SNTB1: variants seen among roughly 807,000 people sequenced by gnomAD.
The protein encoded by SNTB1 is syntrophin beta 1.
SNTB1 carries 36 observed loss-of-function variants against 48.9 expected under a neutral mutation model. The ratio of observed to expected loss-of-function variants is 0.74; its 90% CI spans 0.56 to 0.97. The LOEUF (loss-of-function observed/expected upper bound fraction) is 0.97. Ranked by LOEUF, SNTB1 falls within the 50% of genes least tolerant of loss-of-function variation. The pLI is 0.00. For synonymous variants in SNTB1, 299 were observed against 294.6 expected, an observed-to-expected ratio of 1.01 and a Z score of -0.15; for missense variants, 786 against 703.4, an observed-to-expected ratio of 1.12 and a Z score of -1.33.
At chr8:120,804,394 C>T (rs1820290354) in intron 1 of SNTB1, among the ~76,000 whole-genome samples, 1 of 152,136 alleles carries the variant, frequency 6.6e-6, no homozygotes. Flanking sequence ...CATAATCAGC[C>T]TCAAATACCC....
intron 3 of SNTB1, among the ~76,000 whole-genome samples, chr8:120,578,535 GC>G (rs1193882278): frequency 1.3e-5 from 2 of 152,084 alleles, no homozygotes; most frequent in Non-Finnish European, 2.9e-5. Flanking sequence ...TCTCTGCCTG[GC>G]TTCCTGCCTT....
At position 120,644,474 on chromosome 8, in the gene SNTB1, C is replaced by T. The variant is rs928774040; in HGVS notation, c.789-11823G>A. On this transcript the variant is annotated intron_variant, in intron 2 of 6. Coordinates refer to ENST00000517992, the MANE Select transcript of SNTB1 (RefSeq NM_021021.4). ...GATGATTTCCAATTTCATCCATGTC[C>T]CTACAAAGGACATGAACTCATCATT... Among the ~76,000 whole-genome samples, 27 of 152,106 alleles carry T rather than the reference C, an allele frequency of 1.8e-4. 1 individual carries two copies. Among genetic ancestry groups the T allele is most frequent in the African/African-American group, 5.8e-4 (24 of 41,484 alleles).
intron 2 of SNTB1, among the ~76,000 whole-genome samples, chr8:120,646,141 T>C (rs1344007371): frequency 9.5e-5 from 13 of 137,128 alleles, no homozygotes; most frequent in African/African-American, 2.4e-4. Context: ...CTTTTCCTAA[T>C]TGAATACCCT....
At chr8:120,681,188 G>A (rs1817924497) in intron 2 of SNTB1, among the ~76,000 whole-genome samples, 1 of 152,138 alleles carries the variant, frequency 6.6e-6, no homozygotes. Flanking sequence ...AATCTTTTGT[G>A]TACTCTGTTA....
chr8:120,783,703 T>C (rs1395013122), intron 1 of SNTB1, among the ~76,000 whole-genome samples: 1 of 152,196 alleles, frequency 6.6e-6, no homozygotes, highest in Non-Finnish European at 1.5e-5. Flanking sequence ...GAACAATCAG[T>C]AAACTCTTTG....
Position 120,587,403 on chromosome 8 carries a change from AC to A in SNTB1, c.997-12179del, listed in dbSNP as rs540847462. Reference sequence around the variant, plus strand: ...TCTCCACAATAATCCTCTGGCCCCAACCCACTACCCATTCCCCACTCCTTTA... The same window carrying A: ...TCTCCACAATAATCCTCTGGCCCCAACCACTACCCATTCCCCACTCCTTTA... On this transcript the variant is annotated intron_variant, in intron 3 of 6. Coordinates refer to ENST00000517992, the MANE Select transcript of SNTB1 (RefSeq NM_021021.4). Among the ~76,000 whole-genome samples, 376 of 152,340 alleles carry A rather than the reference AC, an allele frequency of 2.5e-3. 1 individual carries two copies. The highest frequency in any genetic ancestry group is 8.8e-3 in the African/African-American group (367 of 41,582).
chr8:120,811,840 C>CCA lies in SNTB1; in HGVS notation c.2_3dup (p.Ala2TrpfsTer3), dbSNP rs1820444026. The CCA allele has an allele frequency of 7.4e-7, 1 of 1,346,480 alleles. No homozygotes were observed. 83.4% of individuals were successfully genotyped at this position (1,346,480 alleles called of 1,614,324 possible). ...GCCGCCGCCGCCGCCGCCGCTACCG[C>CCA]CATCTTTCCGGCATTCTTAAAATGC... is the stretch of plus-strand genomic sequence containing the variant. On this transcript the variant is annotated frameshift_variant, in exon 1 of 7. Coordinates refer to ENST00000517992, the MANE Select transcript of SNTB1 (RefSeq NM_021021.4). LOFTEE classifies it high-confidence loss of function.
chr8:120,747,841 A>G (rs2130023825), intron 1 of SNTB1, among the ~76,000 whole-genome samples: 1 of 152,348 alleles, frequency 6.6e-6, no homozygotes, highest in Non-Finnish European at 1.5e-5. Flanking sequence ...AAATTAAAAT[A>G]TAAAAAAATA....
intron 3 of SNTB1, among the ~76,000 whole-genome samples, chr8:120,597,652 C>A (rs143990687): frequency 2.0e-4 from 30 of 152,324 alleles, no homozygotes; most frequent in Admixed American, 5.2e-4. Flanking sequence ...GGATATAAGT[C>A]ATCAGGTAAT....
intron 2 of SNTB1, among the ~76,000 whole-genome samples, chr8:120,654,477 A>G (rs1250278729): frequency 6.6e-6 from 1 of 152,150 alleles, no homozygotes; most frequent in Non-Finnish European, 1.5e-5. Context: ...CTGAATAGAA[A>G]TATTTAGGGC....
At chr8:120,642,579 A>T (rs184404198) in intron 2 of SNTB1, among the ~76,000 whole-genome samples, 1 of 152,170 alleles carries the variant, frequency 6.6e-6, no homozygotes, top group Non-Finnish European at 1.5e-5. Context: ...TATGTTAGTT[A>T]TGGACTACTG....
intron 1 of SNTB1, among the ~76,000 whole-genome samples, chr8:120,745,410 G>A (rs373507204): frequency 1.3e-5 from 2 of 152,068 alleles, no homozygotes; most frequent in South Asian, 2.1e-4. Flanking sequence ...CCTACAGACG[G>A]AGAGAAGCCA....
At chr8:120,543,412 A>G (rs1328818402) in intron 5 of SNTB1, among the ~76,000 whole-genome samples, 2 of 152,206 alleles carry the variant, frequency 1.3e-5, no homozygotes, top group Non-Finnish European at 2.9e-5. Flanking sequence ...CTTGCTGTAC[A>G]TCATCATTTA....
intron 3 of SNTB1, among the ~76,000 whole-genome samples, chr8:120,575,766 A>C (rs1031664336): frequency 6.6e-6 from 1 of 152,156 alleles, no homozygotes; most frequent in Non-Finnish European, 1.5e-5. Flanking sequence ...GGTTCTGTTG[A>C]ATGTCCAGTT....
At chr8:120,584,183 T>C (rs1369411721) in intron 3 of SNTB1, among the ~76,000 whole-genome samples, 1 of 151,946 alleles carries the variant, frequency 6.6e-6, no homozygotes, top group Non-Finnish European at 1.5e-5. Flanking sequence ...GGCTCATGCC[T>C]GTAATCCCAG....
At chr8:120,808,192 C>T (rs4327893) in intron 1 of SNTB1, among the ~76,000 whole-genome samples, 4,835 of 152,172 alleles carry the variant, frequency 0.032, 249 homozygotes, top group African/African-American at 0.11. Context: ...GGATTATAGG[C>T]GTGAGCTACC....
intron 4 of SNTB1, among the ~76,000 whole-genome samples, chr8:120,557,854 A>T (rs1006290538): frequency 2.6e-5 from 4 of 152,200 alleles, no homozygotes; most frequent in African/African-American, 7.2e-5. Context: ...TTTGCAAAGG[A>T]AAGTATACAC....
chr8:120,790,903 T>C (rs937086235), intron 1 of SNTB1, among the ~76,000 whole-genome samples: 1 of 151,804 alleles, frequency 6.6e-6, no homozygotes, highest in Non-Finnish European at 1.5e-5. Flanking sequence ...CTCAAATTCC[T>C]ATGGAACTTA....
At chr8:120,594,112 G>A (rs1475304010) in intron 3 of SNTB1, among the ~76,000 whole-genome samples, 1 of 152,016 alleles carries the variant, frequency 6.6e-6, no homozygotes. Flanking sequence ...CACCCAGGCT[G>A]AAGTGGGGTG....
Sources: allele counts gnomAD v4.1 joint callset (sites outside exome capture counted in the v4.1 genomes callset), GRCh38; gene constraint gnomAD v4.1.1; transcripts MANE v1.5; gene names NCBI Gene and HGNC (gene_info 2026-07-23, HGNC 2026-07-21).